Variants in PCDHA3 observed in about 807,000 individuals in gnomAD.
PCDHA3 encodes protocadherin alpha-3.
Under a neutral mutation model 62.2 loss-of-function variants are expected in PCDHA3, and 41 were observed. The ratio of observed to expected loss-of-function variants is 0.66; its 90% CI spans 0.51 to 0.86. The LOEUF (loss-of-function observed/expected upper bound fraction) is 0.86, where lower values mean the gene tolerates loss of function less well. PCDHA3 is among the 40% of genes least tolerant of loss of function. The pLI is 0.00. For synonymous variants in PCDHA3, 640 were observed against 555.4 expected, an observed-to-expected ratio of 1.15 and a Z score of -2.14; for missense variants, 1,304 against 1,241.2, an observed-to-expected ratio of 1.05 and a Z score of -0.76.
chr5:140,865,920 G>A (rs1282584078), intron 1 of PCDHA3: 2 of 152,110 alleles, frequency 1.3e-5, no homozygotes, highest in African/African-American at 2.4e-5. Flanking sequence ...TTTCTGTTGT[G>A]CTTAGAAGAA....
chr5:140,853,830 G>A lies in PCDHA3; in HGVS notation c.2394+50239G>A, dbSNP rs1424828776. 1.9e-5 allele frequency: 19 copies of A among 986,508 alleles called. 1 individual carries two copies. The highest frequency in any genetic ancestry group is 2.2e-5 in the Non-Finnish European group (18 of 818,674). The allele number at this position is 986,508 out of a possible 1,614,324, so 61.1% of individuals were successfully genotyped here. On this transcript the variant is annotated intron_variant, in intron 1 of 3. Coordinates refer to ENST00000522353, the MANE Select transcript of PCDHA3 (RefSeq NM_018906.3). The stretch of plus-strand genomic sequence containing the variant: ...CACCTGAGATGATTCTCATACAACC[G>A]AAATTTTAGATCCATAGCCCTATTT...
intron 1 of PCDHA3, chr5:140,841,898 G>A: frequency 1.9e-6 from 3 of 1,613,824 alleles, no homozygotes; most frequent in African/African-American, 1.3e-5. Context: ...TAAACTGGTT[G>A]AGCTCGTATT....
chr5:140,966,893 C>CA (rs1554228863), intron 1 of PCDHA3: 3 of 1,595,686 alleles, frequency 1.9e-6, no homozygotes, highest in African/African-American at 1.3e-5. Context: ...TGCGGCCTCC[C>CA]AGCTGCGATA....
chr5:140,877,401 G>T (rs183471635), intron 1 of PCDHA3: 1 of 1,613,944 alleles, frequency 6.2e-7, no homozygotes, highest in East Asian at 2.2e-5. Flanking sequence ...CGGACGCTCC[G>T]CGCCACCGCC....
At chr5:140,879,347 T>C (rs530902728) in intron 1 of PCDHA3, among the ~76,000 whole-genome samples, 44 of 152,324 alleles carry the variant, frequency 2.9e-4, no homozygotes, top group African/African-American at 1.0e-3. Context: ...GCTGAGAAGA[T>C]GACATTGCCA....
chr5:140,885,053 A>T (rs2060447405), intron 1 of PCDHA3, among the ~76,000 whole-genome samples: 1 of 152,248 alleles, frequency 6.6e-6, no homozygotes, highest in African/African-American at 2.4e-5. Flanking sequence ...ATGTATACAT[A>T]TACCCACAAG....
intron 1 of PCDHA3, chr5:140,871,061 A>G (rs2052667671): frequency 6.2e-7 from 1 of 1,613,082 alleles, no homozygotes; most frequent in African/African-American, 1.3e-5. Flanking sequence ...GTGAAGGATC[A>G]CGGTGAGCCG....
At chr5:140,819,227 A>G (rs1437121413) in intron 1 of PCDHA3, among the ~76,000 whole-genome samples, 1 of 152,190 alleles carries the variant, frequency 6.6e-6, no homozygotes, top group Non-Finnish European at 1.5e-5. Context: ...TTGCTTCAAC[A>G]TTTCCTCTTC....
At chr5:140,827,996 G>A in intron 1 of PCDHA3, 2 of 1,481,206 alleles carry the variant, frequency 1.4e-6, no homozygotes, top group Non-Finnish European at 1.8e-6. Context: ...AATGATGGCG[G>A]ACGCAGAAGA....
intron 1 of PCDHA3, among the ~76,000 whole-genome samples, chr5:140,874,106 T>C (rs1554167018): frequency 1.3e-5 from 2 of 152,266 alleles, no homozygotes; most frequent in African/African-American, 4.8e-5. Flanking sequence ...TTTTAATTAC[T>C]TAACGTTTTA....
chr5:140,868,731 G>A (rs1002022928), intron 1 of PCDHA3: 2 of 192,996 alleles, frequency 1.0e-5, no homozygotes, highest in South Asian at 1.2e-4. Context: ...GATGTTAATC[G>A]AGAAATACAA....
At chr5:140,973,946 G>A (rs566831681) in intron 1 of PCDHA3, among the ~76,000 whole-genome samples, 45 of 152,304 alleles carry the variant, frequency 3.0e-4, no homozygotes, top group Non-Finnish European at 1.5e-4. Flanking sequence ...GAATATGATG[G>A]CATTTTACAG....
At chr5:140,959,859 T>A (rs2095514385) in intron 1 of PCDHA3, among the ~76,000 whole-genome samples, 1 of 152,192 alleles carries the variant, frequency 6.6e-6, no homozygotes, top group South Asian at 2.1e-4. Context: ...AGGAATTATG[T>A]AGCAAAATCT....
intron 1 of PCDHA3, chr5:140,835,640 C>G: frequency 5.6e-6 from 9 of 1,613,888 alleles, no homozygotes; most frequent in South Asian, 1.1e-5. Context: ...AGAGTGTGTC[C>G]GCCTATGAGC....
intron 1 of PCDHA3, chr5:140,835,779 G>GAGAACAACCCGCCGGGCTGCCACATCTT: frequency 6.2e-7 from 1 of 1,613,360 alleles, no homozygotes; most frequent in Non-Finnish European, 8.5e-7. Context: ...GTTCGTGAAG[G>GAGAACAACCCGCCGGGCTGCCACATCTT]AGAACAACCC....
chr5:140,969,424 G>A (rs1554231783), intron 1 of PCDHA3: 1 of 1,558,342 alleles, frequency 6.4e-7, no homozygotes, highest in South Asian at 1.2e-5. Context: ...GTCATTAACA[G>A]TGACAAGAGT....
chr5:140,858,120 T>A, intron 1 of PCDHA3: 1 of 1,597,738 alleles, frequency 6.3e-7, no homozygotes, highest in Non-Finnish European at 8.6e-7. Context: ...GAGGTGGCCC[T>A]GGTGGATGTC....
intron 1 of PCDHA3, chr5:140,853,180 A>G (rs2150529700): frequency 2.0e-6 from 2 of 976,402 alleles, no homozygotes. Flanking sequence ...CGCCTGGCCT[A>G]AAATGTGTTC....
In PCDHA3 at chr5:140,884,393, A is replaced by T. The variant is rs782150859; in HGVS notation, c.2394+80802A>T. 6.8e-6 allele frequency: 11 copies of T among 1,613,878 alleles called. No individual in the cohort carries two copies. In the South Asian group the frequency reaches 1.1e-4, roughly 16 times the overall value. On this transcript the variant is annotated intron_variant, in intron 1 of 3. Transcript: ENST00000522353. Reference sequence around the variant, plus strand: ...GATCATTGCCATCTGCGCGGTGTCCAGCCTGTTGGTGCTCACGTTGCTGCT... The same window carrying T: ...GATCATTGCCATCTGCGCGGTGTCCTGCCTGTTGGTGCTCACGTTGCTGCT...
Sources: allele counts gnomAD v4.1 joint callset (sites outside exome capture counted in the v4.1 genomes callset), GRCh38; gene constraint gnomAD v4.1.1; transcripts MANE v1.5; gene names NCBI Gene and HGNC (gene_info 2026-07-23, HGNC 2026-07-21).